Variants in DAB1 observed in about 807,000 individuals in gnomAD.
The protein encoded by DAB1 is disabled homolog 1.
A neutral mutation model predicts 64.6 loss-of-function variants in DAB1; 15 were observed. That is an observed-to-expected ratio of 0.23 (90% CI 0.16 to 0.36). The LOEUF (loss-of-function observed/expected upper bound fraction) is 0.36. Among genes scored for constraint, DAB1 ranks in the 10% least tolerant of loss-of-function variants. The pLI is 1.00. For missense variants in DAB1, 596 were observed against 706.7 expected (o/e 0.84, Z 1.78); for synonymous variants, 235 against 251.9 (o/e 0.93, Z 0.64).
At chr1:57,974,635 G>A (rs899576753) in intron 5 of DAB1, among the ~76,000 whole-genome samples, 9 of 152,020 alleles carry the variant, frequency 5.9e-5, no homozygotes, top group African/African-American at 2.2e-4. Flanking sequence ...CAGGTAGCCA[G>A]AATTGAAAGC....
chr1:57,020,521 C>G lies in DAB1; in HGVS notation c.895+3010G>C, dbSNP rs555266716. 2.4e-3 allele frequency among the ~76,000 whole-genome samples: 365 copies of G among 152,286 alleles called. 2 individuals carry two copies. The highest frequency in any genetic ancestry group is 3.0e-3 in the Non-Finnish European group (206 of 68,030). On this transcript the variant is annotated intron_variant, in intron 11 of 14. Coordinates refer to ENST00000371236, the MANE Select transcript of DAB1 (RefSeq NM_001365792.1). Reference sequence around the variant, plus strand: ...CTTGTGTTCATACATAGTACATTCTCCAGGCCACCCATTCTCCTGCTGTCT... The same window carrying G: ...CTTGTGTTCATACATAGTACATTCTGCAGGCCACCCATTCTCCTGCTGTCT...
chr1:57,261,153 C>G (rs1228934166), intron 2 of DAB1, among the ~76,000 whole-genome samples: 3 of 152,082 alleles, frequency 2.0e-5, no homozygotes, highest in Non-Finnish European at 4.4e-5. Flanking sequence ...CAAACCCCAG[C>G]CCTCTGGAGC....
At chr1:57,695,983 C>T (rs1646840365) in intron 6 of DAB1, among the ~76,000 whole-genome samples, 1 of 152,144 alleles carries the variant, frequency 6.6e-6, no homozygotes, top group Admixed American at 6.6e-5. Flanking sequence ...AATTATTTAA[C>T]TCTGAAGCTA....
intron 3 of DAB1, among the ~76,000 whole-genome samples, chr1:58,489,523 A>G (rs907841355): frequency 5.3e-5 from 8 of 152,134 alleles, no homozygotes; most frequent in African/African-American, 1.9e-4. Flanking sequence ...GGGGCAGGGC[A>G]TAGCCAAACA....
At chr1:57,219,543 A>C (rs1202695154) in intron 2 of DAB1, among the ~76,000 whole-genome samples, 2 of 152,174 alleles carry the variant, frequency 1.3e-5, no homozygotes, top group Admixed American at 6.5e-5. Context: ...ACTCACTTGT[A>C]GTTAATAGAA....
intron 2 of DAB1, among the ~76,000 whole-genome samples, chr1:57,238,856 C>CAT (rs764051386): frequency 0.11 from 15,738 of 140,922 alleles, 801 homozygotes; most frequent in African/African-American, 0.14. Flanking sequence ...CACACACACA[C>CAT]ACATACACAC....
intron 11 of DAB1, among the ~76,000 whole-genome samples, chr1:57,018,990 A>G (rs3754268): frequency 0.16 from 23,612 of 152,070 alleles, 2,483 homozygotes; most frequent in East Asian, 0.33. Flanking sequence ...GACTCAGTTC[A>G]CTATCACCTC....
chr1:57,760,649 C>A (rs960370305), intron 6 of DAB1, among the ~76,000 whole-genome samples: 13 of 151,568 alleles, frequency 8.6e-5, no homozygotes, highest in Non-Finnish European at 1.8e-4. Flanking sequence ...CACAGACACA[C>A]ACACACACAG....
intron 3 of DAB1, among the ~76,000 whole-genome samples, chr1:58,464,449 G>T (rs1645275013): frequency 6.6e-6 from 1 of 152,120 alleles, no homozygotes; most frequent in South Asian, 2.1e-4. Flanking sequence ...TCTAAATGGG[G>T]CCAGAAACAG....
intron 1 of DAB1, among the ~76,000 whole-genome samples, chr1:57,419,352 C>T (rs1684726745): frequency 2.0e-5 from 3 of 152,256 alleles, no homozygotes; most frequent in Middle Eastern, 3.4e-3. Context: ...GACAAACACA[C>T]CTCTAGAATT....
At chr1:57,412,623 A>C (rs1205339426) in intron 1 of DAB1, among the ~76,000 whole-genome samples, 1 of 152,220 alleles carries the variant, frequency 6.6e-6, no homozygotes, top group Non-Finnish European at 1.5e-5. Context: ...GGATAGATGA[A>C]ACAAGACACA....
At chr1:57,294,387 T>C (rs1334105784) in intron 1 of DAB1, among the ~76,000 whole-genome samples, 1 of 152,102 alleles carries the variant, frequency 6.6e-6, no homozygotes, top group Non-Finnish European at 1.5e-5. Flanking sequence ...GAACTGCTTC[T>C]AAAATGTAAA....
At chr1:57,653,355 T>C (rs564701802) in intron 6 of DAB1, among the ~76,000 whole-genome samples, 1 of 152,344 alleles carries the variant, frequency 6.6e-6, no homozygotes, top group South Asian at 2.1e-4. Context: ...AGGTATCCAT[T>C]TAAAGCCTAT....
At chr1:57,442,467 A>C (rs1219828857) in intron 7 of DAB1, among the ~76,000 whole-genome samples, 1 of 152,224 alleles carries the variant, frequency 6.6e-6, no homozygotes, top group African/African-American at 2.4e-5. Context: ...TTCCTAAAAT[A>C]GTGACCTTGG....
rs1553165662 is a variant in DAB1, at chr1:58,180,292, T to TTTC, written n.310-29705_310-29704insGAA. Among the ~76,000 whole-genome samples the TTTC allele has an allele frequency of 2.1e-4, 26 of 123,832 alleles. 1 individual carries two copies. Among genetic ancestry groups the TTTC allele is most frequent in the African/African-American group, 7.9e-4 (25 of 31,810 alleles). 81.2% of individuals were successfully genotyped at this position (123,832 alleles called of 152,430 possible). On this transcript the variant is annotated intron_variant and non_coding_transcript_variant, in intron 4 of 20. Transcript: ENST00000485760. ...CTTTTTTTTCTTTTCTTTTTTTTTTTTTTTTTTTTTTTTTTTTTGAGATAG... is the reference window on the plus strand; with the variant it reads ...CTTTTTTTTCTTTTCTTTTTTTTTTTTTCTTTTTTTTTTTTTTTTTTGAGATAG...
At position 57,651,528 on chromosome 1, in the gene DAB1, C is replaced by A. The variant is rs1011041070; in HGVS notation, n.552-1863G>T. On this transcript the variant is annotated intron_variant and non_coding_transcript_variant, in intron 6 of 20. Coordinates refer to the DAB1 transcript ENST00000485760. ...ACAGTTATATTTTTCTGGAGGTAGA[C>A]CTGGTTTAAATCCCATTTTTGTCCT... 2.6e-5 allele frequency among the ~76,000 whole-genome samples: 4 copies of A among 152,160 alleles called. No homozygotes were observed. The South Asian group carries it at 8.3e-4, about 32-fold the overall frequency.
chr1:57,646,679 G>A (rs1261805749), intron 7 of DAB1, among the ~76,000 whole-genome samples: 2 of 152,156 alleles, frequency 1.3e-5, no homozygotes, highest in Non-Finnish European at 2.9e-5. Context: ...AGCCCAGGAG[G>A]TTGAGGCTGC....
intron 9 of DAB1, among the ~76,000 whole-genome samples, chr1:57,055,155 C>G (rs781537384): frequency 6.6e-6 from 1 of 152,198 alleles, no homozygotes; most frequent in Non-Finnish European, 1.5e-5. Context: ...TATGTGTTTA[C>G]AGTCACAAGA....
chr1:57,750,851 A>G (rs751008012), intron 6 of DAB1, among the ~76,000 whole-genome samples: 2 of 152,206 alleles, frequency 1.3e-5, no homozygotes, highest in African/African-American at 2.4e-5. Flanking sequence ...CTGCAGCTCA[A>G]TAAAATATTG....
Sources: gnomAD v4.1 joint callset for allele counts (sites outside exome capture counted in the v4.1 genomes callset) on GRCh38, gnomAD v4.1.1 for gene constraint, MANE v1.5 for transcripts, NCBI Gene and HGNC (gene_info 2026-07-23, HGNC 2026-07-21) for gene names.